FLT1: variants seen among roughly 807,000 people sequenced by gnomAD.
FLT1 encodes the protein vascular endothelial growth factor receptor 1.
In FLT1, 49 loss-of-function variants were observed where a neutral mutation model predicts 156.3. The observed-to-expected ratio is 0.31, with a 90% CI of 0.25 to 0.40. FLT1 has a LOEUF of 0.40. Ranked by LOEUF, FLT1 falls within the 10% of genes least tolerant of loss-of-function variation. The probability of loss-of-function intolerance (pLI) is 1.00; values close to 1 mark genes in which losing one functional copy is unlikely to be tolerated. For synonymous variants in FLT1, 594 were observed against 583.8 expected (o/e 1.02, Z -0.25); for missense variants, 1,322 against 1,637.2 (o/e 0.81, Z 3.32).
chr13:28,317,111 T>C (rs1156395481), intron 25 of FLT1, among the ~76,000 whole-genome samples: 6 of 152,220 alleles, frequency 3.9e-5, no homozygotes. Flanking sequence ...CCTCCATCCC[T>C]GGGGCTGCTA....
intron 14 of FLT1, among the ~76,000 whole-genome samples, chr13:28,377,207 A>G (rs1873873007): frequency 6.6e-6 from 1 of 152,304 alleles, no homozygotes; most frequent in East Asian, 1.9e-4. Flanking sequence ...TTTGCACCAC[A>G]TCAGTCCCTT....
chr13:28,425,110 C>G (rs890981224), intron 10 of FLT1, among the ~76,000 whole-genome samples: 1 of 152,190 alleles, frequency 6.6e-6, no homozygotes, highest in Non-Finnish European at 1.5e-5. Context: ...AGCACCAAAT[C>G]TGGGCCTCAC....
chr13:28,385,117 G>A (rs1874284983), intron 13 of FLT1, 86 bp from the exon 14 acceptor site: 1 of 1,390,642 alleles, frequency 7.2e-7, no homozygotes, highest in South Asian at 1.2e-5. Flanking sequence ...AATATACAGA[G>A]AAACAGCAAA....
At chr13:28,308,808 C>T (rs369151368) in intron 28 of FLT1, 35 bp downstream of exon 28, 2 of 1,260,488 alleles carry the variant, frequency 1.6e-6, no homozygotes, top group Non-Finnish European at 1.2e-6. Context: ...AGGGGTCTAT[C>T]GGGGTGCACT....
chr13:28,383,168 G>A lies in FLT1; in HGVS notation c.2116+1717C>T, dbSNP rs558523010. ...GTTTATACTTATTGGTTTAAGTCTC[G>A]TTGTTTTTAAGAGTACAGTCAGCCC... On this transcript the variant is annotated intron_variant, in intron 14 of 29. Coordinates refer to ENST00000282397, the MANE Select transcript of FLT1 (RefSeq NM_002019.4). Among the ~76,000 whole-genome samples, 5 of 151,772 alleles carry A rather than the reference G, an allele frequency of 3.3e-5. No individual in the cohort carries two copies. The East Asian group carries it at 5.8e-4, about 18-fold the overall frequency.
At chr13:28,311,455 T>G in intron 27 of FLT1, 135 bp downstream of exon 27, 2 of 803,842 alleles carry the variant, frequency 2.5e-6, no homozygotes, top group Non-Finnish European at 3.9e-6. Flanking sequence ...CAACATAATC[T>G]TTCTTTCTTT....
chr13:28,303,073 G>T lies in FLT1; in HGVS notation c.*94C>A. 2 of 1,132,696 alleles carry T rather than the reference G, an allele frequency of 1.8e-6. No individual in the cohort carries two copies. Among genetic ancestry groups the T allele is most frequent in the Admixed American group, 2.0e-5 (1 of 50,872 alleles). The allele number at this position is 1,132,696 out of a possible 1,614,324, so 70.2% of individuals were successfully genotyped here. The stretch of plus-strand genomic sequence containing the variant: ...AGCTGGCTCCCATGGAAAGATAAAG[G>T]TGTAAACTTATATATGCATAATACT... On this transcript the variant is annotated 3_prime_UTR_variant, in exon 30 of 30. Coordinates refer to ENST00000282397, the MANE Select transcript of FLT1 (RefSeq NM_002019.4).
intron 18 of FLT1, among the ~76,000 whole-genome samples, chr13:28,330,875 G>A (rs2138842027): frequency 6.6e-6 from 1 of 151,922 alleles, no homozygotes; most frequent in South Asian, 2.1e-4. Context: ...CACAATGCTT[G>A]GCTAATTTTT....
intron 25 of FLT1, 30 bp from the exon 26 acceptor site, chr13:28,312,128 TG>T: frequency 7.4e-7 from 1 of 1,355,890 alleles, no homozygotes; most frequent in Non-Finnish European, 1.1e-6. Context: ...CAGAAATAGT[TG>T]GAGAGCAGTG....
chr13:28,383,211 CA>C (rs896415439), intron 14 of FLT1, among the ~76,000 whole-genome samples: 60 of 143,038 alleles, frequency 4.2e-4, no homozygotes, highest in Admixed American at 6.3e-4. Context: ...GACTCCATCT[CA>C]AAAAAAAAAA....
In FLT1 at chr13:28,308,806, A is replaced by G. The variant is rs545962874; in HGVS notation, c.3720+37T>C. 8.1e-6 allele frequency: 10 copies of G among 1,227,116 alleles called. No individual in the cohort carries two copies. In the African/African-American group the frequency reaches 1.3e-4, roughly 16 times the overall value. The allele number at this position is 1,227,116 out of a possible 1,614,324, so 76.0% of individuals were successfully genotyped here. ...TGGAAGGGATCTGAAGAAGGGGTCT[A>G]TCGGGGTGCACTAGGTACCTTAACT... On this transcript the variant is annotated intron_variant, in intron 28 of 29. Coordinates refer to ENST00000282397, the MANE Select transcript of FLT1 (RefSeq NM_002019.4).
rs979536628 is a variant in FLT1, at chr13:28,339,154, A to T, written c.2488+14T>A. ...TCAGTATAGGTTTATGAATCTGTTG[A>T]ACAAATATCTTACCCAGTTTAAGTC... On this transcript the variant is annotated intron_variant, in intron 17 of 29. Transcript: ENST00000282397. The T allele has an allele frequency of 5.6e-6, 9 of 1,613,382 alleles. No homozygotes were observed. The highest frequency in any genetic ancestry group is 7.6e-6 in the Non-Finnish European group (9 of 1,179,510).
chr13:28,418,803 G>A (rs1876815705), intron 10 of FLT1, among the ~76,000 whole-genome samples: 3 of 151,826 alleles, frequency 2.0e-5, no homozygotes, highest in African/African-American at 7.3e-5. Context: ...GCAACTCCTG[G>A]GCTCAACTGA....
At chr13:28,429,949 C>A in intron 8 of FLT1, 101 bp downstream of exon 8, 2 of 848,300 alleles carry the variant, frequency 2.4e-6, no homozygotes, top group South Asian at 2.6e-5. Context: ...GTCTGAGGAA[C>A]GTCTCTTGGT....
Position 28,319,463 on chromosome 13 carries a change from C to G in FLT1, c.3246G>C (p.Val1082=), listed in dbSNP as rs903709651. 2 of 1,613,922 alleles carry G rather than the reference C, an allele frequency of 1.2e-6. No individual in the cohort carries two copies. The highest frequency in any genetic ancestry group is 1.7e-6 in the Non-Finnish European group (2 of 1,179,826). ...CCCACAGCAATACTCCGTAAGACCA[C>G]ACGTCGCTCTTGGTGCTGTAGATTT... ...FDKIYSTKSD[V]WSYGVLLWEI... The change falls in exon 24 of 30, where the codon GTG becomes GTC. Residue 1082 remains valine, a synonymous_variant. Coordinates refer to ENST00000282397, the MANE Select transcript of FLT1 (RefSeq NM_002019.4).
At chr13:28,477,584 G>C (rs563777662) in intron 1 of FLT1, among the ~76,000 whole-genome samples, 1 of 152,174 alleles carries the variant, frequency 6.6e-6, no homozygotes, top group Admixed American at 6.5e-5. Context: ...ACCTTCGTCT[G>C]GTTATGCAAA....
intron 11 of FLT1, among the ~76,000 whole-genome samples, chr13:28,404,539 T>G (rs1049711897): frequency 2.6e-5 from 4 of 152,214 alleles, no homozygotes; most frequent in Non-Finnish European, 4.4e-5. Flanking sequence ...TGTTAAATCA[T>G]ACATGAGGAA....
At chr13:28,433,420 C>T (rs551026685) in intron 6 of FLT1, among the ~76,000 whole-genome samples, 2 of 152,294 alleles carry the variant, frequency 1.3e-5, no homozygotes, top group Admixed American at 6.5e-5. Flanking sequence ...TAAATGAATG[C>T]GCTGACAGAG....
intron 4 of FLT1, among the ~76,000 whole-genome samples, chr13:28,436,531 C>T (rs552095547): frequency 5.4e-4 from 82 of 152,254 alleles, no homozygotes; most frequent in Non-Finnish European, 9.1e-4. Context: ...CCACCAGCCC[C>T]AGATTTTTAT....
Sources: gnomAD v4.1 joint callset for allele counts (sites outside exome capture counted in the v4.1 genomes callset) on GRCh38, gnomAD v4.1.1 for gene constraint, MANE v1.5 for transcripts, NCBI Gene and HGNC (gene_info 2026-07-23, HGNC 2026-07-21) for gene names.